The following ARHGAP23 variants were observed in gnomAD, a reference collection of about 807,000 sequenced individuals.
ARHGAP23 encodes rho GTPase-activating protein 23.
A neutral mutation model predicts 136.3 loss-of-function variants in ARHGAP23; 34 were observed. That is an observed-to-expected ratio of 0.25 (90% CI 0.19 to 0.33). ARHGAP23 has a LOEUF of 0.33. ARHGAP23 is among the 10% of genes least tolerant of loss of function. The pLI, the probability that ARHGAP23 is intolerant of heterozygous loss-of-function variation, is 1.00. For synonymous variants in ARHGAP23, 832 were observed against 920.5 expected, an observed-to-expected ratio of 0.90 and a Z score of 1.74; for missense variants, 1,808 against 2,139.0, an observed-to-expected ratio of 0.85 and a Z score of 3.05.
At chr17:38,491,175 G>A (rs1423602595) in intron 19 of ARHGAP23, among the ~76,000 whole-genome samples, 4 of 152,226 alleles carry the variant, frequency 2.6e-5, no homozygotes, top group Non-Finnish European at 4.4e-5. Context: ...GGGCTGCCTT[G>A]TATAGGTGTG....
intron 3 of ARHGAP23, 121 bp from the exon 4 acceptor site, chr17:38,462,725 G>A (rs987485845): frequency 2.8e-6 from 2 of 711,962 alleles, no homozygotes; most frequent in Non-Finnish European, 4.4e-6. Flanking sequence ...GTTTGAGCCT[G>A]TGCATGTTTG....
chr17:38,480,556 C>G (rs1259611790), intron 14 of ARHGAP23, among the ~76,000 whole-genome samples: 3 of 151,822 alleles, frequency 2.0e-5, no homozygotes, highest in Non-Finnish European at 2.9e-5. Context: ...ATGGCATGAA[C>G]CTGGGAGGCG....
chr17:38,479,767 C>G lies in ARHGAP23; in HGVS notation c.2513C>G (p.Pro838Arg). Residue 838 changes from proline (P) to arginine (R), a missense_variant, in exon 14 of 24, where the codon CCC (proline) becomes CGC (arginine). This residue lies in a region of ARHGAP23 where 139 missense variants were observed against 264.3 expected (regional missense o/e 0.53). Coordinates refer to ENST00000622683, the MANE Select transcript of ARHGAP23 (RefSeq NM_001199417.2). ...TTCCTACACAGCCATAGCTCTGGGC[C>G]CAAAGCTGATTCCTCCCCCAAAGGC... ...DYRKVSHSSG[P>R]KADSSPKGSR... The G allele has an allele frequency of 1.3e-6, 2 of 1,493,468 alleles. No homozygotes were observed. The highest frequency in any genetic ancestry group is 1.8e-6 in the Non-Finnish European group (2 of 1,118,814). 92.5% of individuals were successfully genotyped at this position (1,493,468 alleles called of 1,614,324 possible).
chr17:38,487,864 A>AAAAT (rs781026195), intron 17 of ARHGAP23, among the ~76,000 whole-genome samples: 13 of 152,066 alleles, frequency 8.5e-5, no homozygotes, highest in Middle Eastern at 3.4e-3. Context: ...ACTCCATCTC[A>AAAAT]AAATAAATAA....
At chr17:38,436,468 A>G (rs975768844) in intron 1 of ARHGAP23, among the ~76,000 whole-genome samples, 2 of 152,174 alleles carry the variant, frequency 1.3e-5, no homozygotes, top group African/African-American at 4.8e-5. Context: ...GAAGGCCCTG[A>G]TCCCAGCATG....
At chr17:38,457,762 G>T (rs1452551478) in intron 1 of ARHGAP23, 1 of 386,960 alleles carries the variant, frequency 2.6e-6, no homozygotes, top group African/African-American at 2.1e-5. Context: ...CAGGAAGGCT[G>T]TATCCAGGGT....
chr17:38,509,227 C>A (rs890327574), intron 23 of ARHGAP23, among the ~76,000 whole-genome samples: 2 of 152,118 alleles, frequency 1.3e-5, no homozygotes, highest in African/African-American at 4.8e-5. Context: ...GTGAGAACAG[C>A]GGCATGAAGT....
chr17:38,501,839 A>AT (rs1444803309), intron 23 of ARHGAP23, among the ~76,000 whole-genome samples: 8 of 151,632 alleles, frequency 5.3e-5, no homozygotes, highest in African/African-American at 1.9e-4. Flanking sequence ...TATTTAAGGA[A>AT]TTTTTTAAAT....
intron 10 of ARHGAP23, among the ~76,000 whole-genome samples, chr17:38,470,957 CTT>C (rs35409435): frequency 4.2e-5 from 6 of 142,938 alleles, no homozygotes; most frequent in Admixed American, 7.0e-5. Context: ...ATTTTTCTTT[CTT>C]TTTTTTTTTT....
chr17:38,429,603 CTTGG>C (rs1336031754), intron 1 of ARHGAP23, among the ~76,000 whole-genome samples: 1 of 152,080 alleles, frequency 6.6e-6, no homozygotes, highest in African/African-American at 2.4e-5. Flanking sequence ...TGGTGTGTTC[CTTGG>C]TTGCTGGATG....
intron 15 of ARHGAP23, 107 bp from the exon 16 acceptor site, chr17:38,482,416 C>A: frequency 1.7e-6 from 2 of 1,166,032 alleles, no homozygotes; most frequent in Non-Finnish European, 2.4e-6. Flanking sequence ...CTTTTGTTCC[C>A]CCCAAGGGTT....
chr17:38,423,262 G>A (rs1352620211), intron 1 of ARHGAP23, among the ~76,000 whole-genome samples: 1 of 151,018 alleles, frequency 6.6e-6, no homozygotes, highest in East Asian at 1.9e-4. Flanking sequence ...GCATGATCTC[G>A]ACTCACTGCA....
At chr17:38,489,592 C>T (rs2040228034) in intron 17 of ARHGAP23, among the ~76,000 whole-genome samples, 1 of 152,222 alleles carries the variant, frequency 6.6e-6, no homozygotes, top group South Asian at 2.1e-4. Context: ...CCGCGTTACT[C>T]TTTCTTTAAA....
At chr17:38,490,694 A>T in intron 19 of ARHGAP23, 143 bp downstream of exon 19, 1 of 695,974 alleles carries the variant, frequency 1.4e-6, no homozygotes, top group Non-Finnish European at 2.6e-6. Flanking sequence ...CTCCGTCCCC[A>T]CCCCGCTCCT....
rs183912066 is a variant in ARHGAP23, at chr17:38,497,905, G to A, written c.3318+79G>A. ...AGTCCTTGGGGGTGGGGCAGGCAGC[G>A]GGACTTAAGCCGGGGAAGGTGTCTG... On this transcript the variant is annotated intron_variant, in intron 21 of 23. Coordinates refer to ENST00000622683, the MANE Select transcript of ARHGAP23 (RefSeq NM_001199417.2). 1.4e-4 allele frequency: 209 copies of A among 1,445,374 alleles called. 1 individual carries two copies. The African/African-American group carries it at 1.7e-3, about 12-fold the overall frequency. 89.5% of individuals were successfully genotyped at this position (1,445,374 alleles called of 1,614,324 possible). A position where few individuals can be genotyped will look rare whatever the true frequency, so the allele number is the denominator to read the frequency against.
chr17:38,480,653 A>G (rs867127759), intron 14 of ARHGAP23, among the ~76,000 whole-genome samples: 3 of 150,728 alleles, frequency 2.0e-5, no homozygotes, highest in Admixed American at 6.6e-5. Context: ...AATACAATAA[A>G]AGTACCCGGG....
chr17:38,484,826 G>A (rs1597824917), intron 16 of ARHGAP23, among the ~76,000 whole-genome samples: 1 of 152,174 alleles, frequency 6.6e-6, no homozygotes, highest in South Asian at 2.1e-4. Context: ...CGTGCTGGGA[G>A]TAAGTGTAGT....
intron 1 of ARHGAP23, among the ~76,000 whole-genome samples, chr17:38,420,128 C>G (rs2144452608): frequency 6.6e-6 from 1 of 152,276 alleles, no homozygotes; most frequent in South Asian, 2.1e-4. Context: ...GATGAAGACC[C>G]CCTCTGGTCA....
chr17:38,506,622 T>C (rs758312216), intron 23 of ARHGAP23, among the ~76,000 whole-genome samples: 18 of 152,192 alleles, frequency 1.2e-4, no homozygotes, highest in Non-Finnish European at 2.4e-4. Flanking sequence ...TCACACTGTG[T>C]CCTTACAAGG....
Sources: gnomAD v4.1 joint callset for allele counts (sites outside exome capture counted in the v4.1 genomes callset) on GRCh38, gnomAD v4.1.1 for gene constraint, gnomAD v4.1.1 regional missense constraint, MANE v1.5 for transcripts, NCBI Gene and HGNC (gene_info 2026-07-23, HGNC 2026-07-21) for gene names.